Variants in PPARGC1A observed in about 807,000 individuals in gnomAD.
PPARGC1A encodes the protein PPARG coactivator 1 alpha.
PPARGC1A carries 25 observed loss-of-function variants against 88.7 expected under a neutral mutation model. The observed-to-expected ratio is 0.28, with a 90% CI of 0.21 to 0.39. PPARGC1A has a LOEUF of 0.39. Among genes scored for constraint, PPARGC1A ranks in the 10% least tolerant of loss-of-function variants. The pLI is 1.00. For synonymous variants in PPARGC1A, 363 were observed against 355.6 expected (o/e 1.02, Z -0.24); for missense variants, 880 against 968.7 (o/e 0.91, Z 1.22).
At chr4:24,163,944 G>A in the PPARGC1A span, among the ~76,000 whole-genome samples, 4 of 152,106 alleles carry the variant, frequency 2.6e-5, no homozygotes, top group African/African-American at 4.8e-5. Flanking sequence ...AACACATTTT[G>A]AAGCAGTCTG....
At chr4:24,155,344 T>C in the PPARGC1A span, among the ~76,000 whole-genome samples, 12 of 151,768 alleles carry the variant, frequency 7.9e-5, no homozygotes, top group African/African-American at 2.2e-4. Context: ...AGCAGAGGGC[T>C]GGGCACAGTG....
the PPARGC1A span, among the ~76,000 whole-genome samples, chr4:24,345,766 CTTTA>C: frequency 6.6e-6 from 1 of 152,070 alleles, no homozygotes; most frequent in Non-Finnish European, 1.5e-5. Context: ...TTCGGATGTC[CTTTA>C]TTTCTTTCTC....
the PPARGC1A span, among the ~76,000 whole-genome samples, chr4:24,433,745 C>T: frequency 6.6e-6 from 1 of 152,160 alleles, no homozygotes; most frequent in South Asian, 2.1e-4. Flanking sequence ...CTTAGGCCCC[C>T]TATACTTTTT....
At chr4:23,943,754 T>C in the PPARGC1A span, among the ~76,000 whole-genome samples, 1 of 152,172 alleles carries the variant, frequency 6.6e-6, no homozygotes, top group Non-Finnish European at 1.5e-5. Context: ...GTGATCAAAG[T>C]TAACATCATC....
the PPARGC1A span, among the ~76,000 whole-genome samples, chr4:24,041,844 T>G: frequency 6.6e-6 from 1 of 151,966 alleles, no homozygotes; most frequent in African/African-American, 2.4e-5. Flanking sequence ...GGTAACAAGT[T>G]GTTCTTTAAA....
the PPARGC1A span, among the ~76,000 whole-genome samples, chr4:24,217,144 G>C: frequency 6.6e-6 from 1 of 152,154 alleles, no homozygotes; most frequent in African/African-American, 2.4e-5. Context: ...GAGTTTATTT[G>C]TCCCTTAGGT....
chr4:24,371,076 C>T, the PPARGC1A span, among the ~76,000 whole-genome samples: 1 of 151,994 alleles, frequency 6.6e-6, no homozygotes, highest in East Asian at 1.9e-4. Context: ...TGATGGTTTC[C>T]AGCTTCATCT....
chr4:23,976,790 T>C, the PPARGC1A span, among the ~76,000 whole-genome samples: 2 of 152,182 alleles, frequency 1.3e-5, no homozygotes, highest in East Asian at 3.9e-4. Flanking sequence ...CCCACCCTGC[T>C]GGCACCTTGA....
At chr4:24,149,997 G>C in the PPARGC1A span, among the ~76,000 whole-genome samples, 1 of 152,138 alleles carries the variant, frequency 6.6e-6, no homozygotes, top group Non-Finnish European at 1.5e-5. Flanking sequence ...GGACAAAAGA[G>C]TTTTTACAGA....
the PPARGC1A span, among the ~76,000 whole-genome samples, chr4:23,911,576 G>A: frequency 6.6e-6 from 1 of 152,066 alleles, no homozygotes; most frequent in Non-Finnish European, 1.5e-5. Flanking sequence ...CTTAAATGTT[G>A]ATAAACTGAG....
At chr4:24,370,384 A>G in the PPARGC1A span, among the ~76,000 whole-genome samples, 2 of 152,338 alleles carry the variant, frequency 1.3e-5, no homozygotes, top group East Asian at 3.9e-4. Flanking sequence ...GTGTATAGAC[A>G]AGACAGAATA....
chr4:24,098,024 A>G, the PPARGC1A span, among the ~76,000 whole-genome samples: 1 of 152,242 alleles, frequency 6.6e-6, no homozygotes, highest in South Asian at 2.1e-4. Context: ...TTAAATAACT[A>G]TATCTATAAA....
the PPARGC1A span, among the ~76,000 whole-genome samples, chr4:24,141,756 C>A: frequency 6.6e-6 from 1 of 152,176 alleles, no homozygotes; most frequent in African/African-American, 2.4e-5. Flanking sequence ...TGCATTTGGA[C>A]TCTGGAGAGA....
At chr4:23,911,564 C>T in the PPARGC1A span, among the ~76,000 whole-genome samples, 4 of 152,164 alleles carry the variant, frequency 2.6e-5, no homozygotes, top group African/African-American at 7.2e-5. Context: ...GAAGTATTTG[C>T]TCTTAAATGT....
At chr4:24,034,574 A>G in the PPARGC1A span, among the ~76,000 whole-genome samples, 1 of 152,214 alleles carries the variant, frequency 6.6e-6, no homozygotes, top group Non-Finnish European at 1.5e-5. Flanking sequence ...CTTCAATGTA[A>G]TATGGGAGAG....
the PPARGC1A span, among the ~76,000 whole-genome samples, chr4:24,217,195 G>T: frequency 6.6e-6 from 1 of 152,220 alleles, no homozygotes; most frequent in African/African-American, 2.4e-5. Context: ...CAGCTAGCTT[G>T]TACCACATTC....
the PPARGC1A span, among the ~76,000 whole-genome samples, chr4:24,144,625 C>T: frequency 1.3e-5 from 2 of 150,444 alleles, no homozygotes; most frequent in African/African-American, 4.9e-5. Context: ...AGCTTGAGAC[C>T]AGCGCAGAGA....
the PPARGC1A span, among the ~76,000 whole-genome samples, chr4:23,912,634 G>T: frequency 1.3e-5 from 2 of 152,024 alleles, no homozygotes; most frequent in Non-Finnish European, 2.9e-5. Flanking sequence ...CCTTGAGAAA[G>T]AATTCCCTAT....
the PPARGC1A span, among the ~76,000 whole-genome samples, chr4:23,921,120 A>G: frequency 6.6e-6 from 1 of 152,104 alleles, no homozygotes; most frequent in Non-Finnish European, 1.5e-5. Flanking sequence ...GTGCAAAGCG[A>G]ACAATTCCTT....
Sources: allele counts gnomAD v4.1 joint callset (sites outside exome capture counted in the v4.1 genomes callset), GRCh38; gene constraint gnomAD v4.1.1; transcripts MANE v1.5; gene names NCBI Gene and HGNC (gene_info 2026-07-23, HGNC 2026-07-21).